The following LTBP4 variants were observed in gnomAD, a reference collection of about 807,000 sequenced individuals.
LTBP4 encodes the protein latent transforming growth factor beta binding protein 4, also known as latent-transforming growth factor beta-binding protein 4.
A neutral mutation model predicts 180.2 loss-of-function variants in LTBP4; 93 were observed. The ratio of observed to expected loss-of-function variants is 0.52; its 90% CI spans 0.44 to 0.61. The LOEUF is 0.61. Ranked by LOEUF, LTBP4 falls within the 20% of genes least tolerant of loss-of-function variation. LTBP4 has a pLI of 0.00. For synonymous variants in LTBP4, 947 were observed against 934.5 expected, an observed-to-expected ratio of 1.01 and a Z score of -0.24; for missense variants, 2,116 against 2,256.5, an observed-to-expected ratio of 0.94 and a Z score of 1.26.
chr19:40,612,016 T>C (rs2081510755), intron 14 of LTBP4, 32 bp downstream of exon 14: 2 of 1,612,426 alleles, frequency 1.2e-6, no homozygotes, highest in South Asian at 1.1e-5. Context: ...GGAGTGTGGA[T>C]GGGTGAGGGG....
At chr19:40,595,073 C>T (rs894058484) in intron 1 of LTBP4, among the ~76,000 whole-genome samples, 1 of 152,032 alleles carries the variant, frequency 6.6e-6, no homozygotes, top group Non-Finnish European at 1.5e-5. Flanking sequence ...AACTGGGAAG[C>T]TTAAGAATCC....
At chr19:40,618,204 A>G (rs765077733) in intron 21 of LTBP4, among the ~76,000 whole-genome samples, 4 of 151,118 alleles carry the variant, frequency 2.6e-5, no homozygotes, top group Non-Finnish European at 5.9e-5. Context: ...AGTAGCTGCT[A>G]CCACAGGCAC....
At position 40,611,244 on chromosome 19, in the gene LTBP4, T is replaced by G; in HGVS notation, c.1903T>G (p.Phe635Val). The G allele has an allele frequency of 6.2e-7, 1 of 1,613,524 alleles. No homozygotes were observed. The highest frequency in any genetic ancestry group is 8.5e-7 in the Non-Finnish European group (1 of 1,179,720). ...GSFRCVCPAG[F>V]RGSACEEDVD... ...TTTCCGCTGTGTTTGCCCGGCTGGC[T>G]TCCGGGGCTCGGCGTGTGAAGAGGA... Residue 635 changes from phenylalanine (F) to valine (V), a missense_variant, in exon 13 of 30, where the codon TTC becomes GTC. Physicochemically the swap from Phe to Val is conservative, Grantham distance 50. Around this residue, in one of 5 missense-constraint regions of LTBP4, gnomAD observed 877 missense variants for 873.6 expected, o/e 1.00. Transcript: ENST00000396819. The surrounding 1 kb of genome is among the most constrained non-coding windows in gnomAD (Gnocchi z 4.4).
intron 24 of LTBP4, among the ~76,000 whole-genome samples, 191 bp downstream of exon 24, chr19:40,623,212 T>C (rs1369414445): frequency 6.6e-6 from 1 of 150,920 alleles, no homozygotes; most frequent in Admixed American, 6.6e-5. Context: ...TTTGTTCTTG[T>C]CGCCCAGGCT....
At chr19:40,612,291 A>G in intron 15 of LTBP4, 99 bp downstream of exon 15, 2 of 1,439,994 alleles carry the variant, frequency 1.4e-6, no homozygotes, top group South Asian at 1.4e-5. Context: ...CCTGACCTGG[A>G]CCTCAGTCCC....
chr19:40,600,779 C>T (rs561862315), upstream of LTBP4, among the ~76,000 whole-genome samples: 133 of 152,232 alleles, frequency 8.7e-4, 1 homozygote, highest in African/African-American at 3.1e-3. This position sits in a 1 kb window ranked among gnomAD's most constrained non-coding sequence, Gnocchi z 4.4. Context: ...TGTGACTTCT[C>T]CCGCCAGGTG....
chr19:40,608,701 A>G, intron 9 of LTBP4, 98 bp downstream of exon 9: 30 of 1,389,620 alleles, frequency 2.2e-5, no homozygotes, highest in Non-Finnish European at 2.5e-5. Context: ...TCACCAGGTC[A>G]GGAGTTCGAG....
intron 21 of LTBP4, among the ~76,000 whole-genome samples, chr19:40,618,259 GTTTT>G (rs1055926861): frequency 1.5e-5 from 2 of 135,900 alleles, no homozygotes; most frequent in Non-Finnish European, 3.2e-5. Context: ...GTAGAGATGA[GTTTT>G]TTTTTTTTTT....
chr19:40,628,953 G>T (rs1296017485), intron 29 of LTBP4, among the ~76,000 whole-genome samples: 1 of 151,604 alleles, frequency 6.6e-6, no homozygotes, highest in African/African-American at 2.4e-5. Context: ...AGGTTCAAGC[G>T]ATTCTCCTGC....
At chr19:40,615,019 G>A (rs1373495357) in intron 19 of LTBP4, among the ~76,000 whole-genome samples, 2 of 151,950 alleles carry the variant, frequency 1.3e-5, no homozygotes, top group Non-Finnish European at 2.9e-5. Flanking sequence ...CCAGTCTCTC[G>A]AACACTTAGG....
At chr19:40,600,015 G>A, upstream of LTBP4, 1 of 971,294 alleles carries the variant, frequency 1.0e-6, no homozygotes, top group Non-Finnish European at 1.4e-6. This position sits in a 1 kb window ranked among gnomAD's most constrained non-coding sequence, Gnocchi z 4.4. Flanking sequence ...GCCCTTTGGT[G>A]GGGAGGTCAG....
intron 11 of LTBP4, 160 bp downstream of exon 11, chr19:40,610,031 C>T: frequency 9.9e-7 from 1 of 1,009,038 alleles, no homozygotes; most frequent in Non-Finnish European, 1.4e-6. Context: ...CCCGCCTCCA[C>T]CCAGCTCCAG....
chr19:40,608,902 C>CAAAAAGAAAAA (rs2081484296), intron 9 of LTBP4: 1 of 81,826 alleles, frequency 1.2e-5, no homozygotes, highest in Non-Finnish European at 2.2e-5. Flanking sequence ...CACTCCATCT[C>CAAAAAGAAAAA]AAAAAAAAAA....
chr19:40,624,777 T>C (rs1050676724), intron 26 of LTBP4, among the ~76,000 whole-genome samples: 3 of 152,118 alleles, frequency 2.0e-5, no homozygotes, highest in Non-Finnish European at 4.4e-5. Flanking sequence ...AAGTACCACA[T>C]GAGTGCTGCC....
rs1568414647 is a variant in LTBP4 at position 40,625,316 on chromosome 19, A to ATATATATATATATT, written c.3833-540_3833-539insATATATATATATTT. 7.3e-4 allele frequency among the ~76,000 whole-genome samples: 16 copies of ATATATATATATATT among 21,932 alleles called. 3 individuals are homozygous for ATATATATATATATT. Among genetic ancestry groups the ATATATATATATATT allele is most frequent in the African/African-American group, 1.2e-3 (5 of 4,204 alleles). The allele number at this position is 21,932 out of a possible 152,430, so 14.4% of individuals were successfully genotyped here. On this transcript the variant is annotated intron_variant, in intron 26 of 29. Coordinates refer to ENST00000396819, the MANE Select transcript of LTBP4 (RefSeq NM_001042545.2). ...TATATATATATATATATATATATAT[A>ATATATATATATATT]TTTTTTTTTTTAAAGATGGGTTTTT...
intron 1 of LTBP4, among the ~76,000 whole-genome samples, chr19:40,594,870 G>T (rs572279603): frequency 6.6e-6 from 1 of 152,104 alleles, no homozygotes; most frequent in South Asian, 2.1e-4. Context: ...GTGAGCGGGG[G>T]TGAAGGGCTT....
Position 40,627,348 on chromosome 19 carries a change from C to T in LTBP4, c.4359C>T (p.Ser1453=). ...PEPEEPPEGG[S]YAGSLAEPYE... is the part of the protein sequence containing the mutation. ...CCGAGGAGCCTCCTGAAGGTGGAAG[C>T]TATGCTGGTGAGCACTGCCAGCGCA... Residue 1453 remains serine (S), a synonymous_variant, in exon 28 of 30, where the codon AGC becomes AGT. Transcript: ENST00000396819. The T allele has an allele frequency of 6.6e-7, 1 of 1,506,570 alleles. No individual in the cohort carries two copies. The highest frequency in any genetic ancestry group is 8.8e-7 in the Non-Finnish European group (1 of 1,130,034). 93.3% of individuals were successfully genotyped at this position (1,506,570 alleles called of 1,614,324 possible).
chr19:40,613,132 C>G lies in LTBP4; in HGVS notation c.2367C>G (p.Gly789=), dbSNP rs1429172152. 6.2e-7 allele frequency: 1 copy of G among 1,602,560 alleles called. No homozygotes were observed. Among genetic ancestry groups the G allele is most frequent in the East Asian group, 2.3e-5 (1 of 44,068 alleles). The change falls in exon 16 of 30, where the codon GGC becomes GGG. Residue 789 remains glycine, a synonymous_variant. Coordinates refer to ENST00000396819, the MANE Select transcript of LTBP4 (RefSeq NM_001042545.2). This position sits in a 1 kb window ranked among gnomAD's most constrained non-coding sequence, Gnocchi z 5.0. ...ACGGCCACTGCACTAACACCGAAGG[C>G]TCCTTCCGCTGCAGCTGCGCGCCAG... The part of the protein sequence containing the change: ...GPHGHCTNTE[G]SFRCSCAPGY...
intron 22 of LTBP4, among the ~76,000 whole-genome samples, chr19:40,620,319 A>G (rs2081577796): frequency 6.6e-6 from 1 of 151,428 alleles, no homozygotes; most frequent in African/African-American, 2.4e-5. Flanking sequence ...GCTCACTGCA[A>G]CCTCCACCTC....
Sources: gnomAD v4.1 joint callset for allele counts (sites outside exome capture counted in the v4.1 genomes callset) on GRCh38, gnomAD v4.1.1 for gene constraint, gnomAD v4.1.1 regional missense constraint, Gnocchi (gnomAD v3.1) non-coding constraint, MANE v1.5 for transcripts, NCBI Gene and HGNC (gene_info 2026-07-23, HGNC 2026-07-21) for gene names.